The following DOC2A variants were observed in gnomAD, a reference collection of about 807,000 sequenced individuals.
The protein encoded by DOC2A is double C2 domain alpha.
DOC2A carries 28 observed loss-of-function variants against 40.6 expected under a neutral mutation model. The ratio of observed to expected loss-of-function variants is 0.69; its 90% confidence interval spans 0.51 to 0.95. The LOEUF (loss-of-function observed/expected upper bound fraction) is 0.95. Among genes scored for constraint, DOC2A ranks in the 40% least tolerant of loss-of-function variants. DOC2A has a pLI of 0.00. For missense variants in DOC2A, 474 were observed against 552.5 expected (o/e 0.86, Z 1.42); for synonymous variants, 241 against 236.9 (o/e 1.02, Z -0.16).
chr16:30,008,663 C>A, intron 5 of DOC2A: 1 of 323,278 alleles, frequency 3.1e-6, no homozygotes, highest in South Asian at 2.8e-5. Context: ...TGCCACCACG[C>A]CCGGCTAATT....
chr16:30,006,712 T>C lies in DOC2A; in HGVS notation c.879-35A>G. 6.2e-7 allele frequency: 1 copy of C among 1,613,050 alleles called. No homozygotes were observed. The highest frequency in any genetic ancestry group is 8.5e-7 in the Non-Finnish European group (1 of 1,179,754). Reference sequence around the variant, plus strand: ...GGGTGGAGGGAGACGAACTGAGGGGTGAGGGACAGGCCAGGCCCAACTCAG... The same window carrying C: ...GGGTGGAGGGAGACGAACTGAGGGGCGAGGGACAGGCCAGGCCCAACTCAG... On this transcript the variant is annotated intron_variant, in intron 8 of 10. Coordinates refer to ENST00000350119, the MANE Select transcript of DOC2A (RefSeq NM_003586.3). This position sits in a 1 kb window ranked among gnomAD's most constrained non-coding sequence, Gnocchi z 6.2.
intron 1 of DOC2A, among the ~76,000 whole-genome samples, chr16:30,020,895 G>C (rs758402453): frequency 6.6e-6 from 1 of 152,086 alleles, no homozygotes; most frequent in Non-Finnish European, 1.5e-5. Context: ...GGTGGTGCAC[G>C]CCTGTGGTCC....
At chr16:30,016,091 G>A (rs1361951312), upstream of DOC2A, among the ~76,000 whole-genome samples, 7 of 110,174 alleles carry the variant, frequency 6.4e-5, no homozygotes, top group Non-Finnish European at 8.5e-5. Flanking sequence ...ACAGAGTCTC[G>A]CTCTGTTGCC....
upstream of DOC2A, among the ~76,000 whole-genome samples, chr16:30,015,873 TTTTG>T (rs766394701): frequency 1.0e-4 from 14 of 136,246 alleles, no homozygotes; most frequent in African/African-American, 2.2e-4. Flanking sequence ...GCTAATCTGT[TTTTG>T]TTTGTTTGTT....
Position 30,006,104 on chromosome 16 carries a change from T to C in DOC2A, c.*82A>G, listed in dbSNP as rs908876948. The C allele has an allele frequency of 8.2e-6, 12 of 1,472,366 alleles. No homozygotes were observed. Among genetic ancestry groups the C allele is most frequent in the African/African-American group, 5.6e-5 (4 of 71,332 alleles). 91.2% of individuals were successfully genotyped at this position (1,472,366 alleles called of 1,614,324 possible). On this transcript the variant is annotated 3_prime_UTR_variant, in exon 11 of 11. Transcript: ENST00000350119. This position sits in a 1 kb window ranked among gnomAD's most constrained non-coding sequence, Gnocchi z 6.2. ...AGTGCAGGGTGGGGGCAGCCCACCC[T>C]GTGTAAACGTGCAACACACTCGTGC...
upstream of DOC2A, among the ~76,000 whole-genome samples, chr16:30,022,707 G>A (rs919910086): frequency 1.1e-4 from 17 of 151,880 alleles, no homozygotes; most frequent in Non-Finnish European, 1.6e-4. Flanking sequence ...AGGCCGAGGC[G>A]AACAGATCAC....
upstream of DOC2A, among the ~76,000 whole-genome samples, chr16:30,012,961 A>C (rs915010447): frequency 6.6e-6 from 1 of 151,970 alleles, no homozygotes; most frequent in African/African-American, 2.4e-5. Flanking sequence ...ACTGCACTCC[A>C]GCCTGGGCTG....
chr16:30,012,646 G>A (rs1486947154), upstream of DOC2A: 3 of 141,766 alleles, frequency 2.1e-5, no homozygotes, highest in Non-Finnish European at 3.0e-5. Flanking sequence ...CTTGAGTGAA[G>A]CCAGCCTGGG....
rs769541112 is a variant in DOC2A at position 30,009,963 on chromosome 16, G to T, written c.260C>A (p.Ala87Asp). 1 of 1,611,274 alleles carries T rather than the reference G, an allele frequency of 6.2e-7. No homozygotes were observed. The highest frequency in any genetic ancestry group is 8.5e-7 in the Non-Finnish European group (1 of 1,179,734). ...AEVDSYDSDD[A>D]TALGTLEFDL... Reference sequence around the variant, plus strand: ...GGCCTCCAAGCCCCCAGACTCACTGGCATCATCCGAGTCATAGCTGTCCAC... The same window carrying T: ...GGCCTCCAAGCCCCCAGACTCACTGTCATCATCCGAGTCATAGCTGTCCAC... The change falls in exon 2 of 11, where the codon GCC becomes GAC. Residue 87 changes from alanine (A) to aspartate (D), a missense_variant and splice_region_variant. By Grantham distance (126) the Ala-to-Asp change is moderately radical. Coordinates refer to ENST00000350119, the MANE Select transcript of DOC2A (RefSeq NM_003586.3). This position sits in a 1 kb window ranked among gnomAD's most constrained non-coding sequence, Gnocchi z 4.1.
Position 30,009,687 on chromosome 16 carries a change from G to T in DOC2A, c.263-130C>A. On this transcript the variant is annotated intron_variant, in intron 2 of 10. Transcript: ENST00000350119. This position sits in a 1 kb window ranked among gnomAD's most constrained non-coding sequence, Gnocchi z 4.1. The stretch of plus-strand genomic sequence containing the variant: ...CGAGTGTGAGTGCAAGAGGCTGAGT[G>T]GGCCCATGCGTGTGTGCGTCTGGGT... 1.1e-6 allele frequency: 1 copy of T among 942,734 alleles called. No homozygotes were observed. The allele number at this position is 942,734 out of a possible 1,614,324, so 58.4% of individuals were successfully genotyped here.
In DOC2A at chr16:30,005,689, G is replaced by C; in HGVS notation, c.*497C>G. The C allele has an allele frequency of 1.8e-6, 1 of 550,900 alleles. No homozygotes were observed. Among genetic ancestry groups the C allele is most frequent in the Non-Finnish European group, 3.2e-6 (1 of 315,834 alleles). 34.1% of individuals were successfully genotyped at this position (550,900 alleles called of 1,614,324 possible). On this transcript the variant is annotated 3_prime_UTR_variant, in exon 11 of 11. Transcript: ENST00000350119. ...GAGTGGCCGGGAGCATCTGCCACCT[G>C]CTGGGGAGGCAGAGACCCTGCAATG... is the stretch of plus-strand genomic sequence containing the variant.
At chr16:30,020,064 G>A (rs1282929991) in intron 1 of DOC2A, among the ~76,000 whole-genome samples, 12 of 152,006 alleles carry the variant, frequency 7.9e-5, no homozygotes, top group Admixed American at 4.6e-4. Context: ...GCATGCTACC[G>A]CACCCGGCTT....
chr16:30,023,113 A>C, upstream of DOC2A: 1 of 450,874 alleles, frequency 2.2e-6, no homozygotes, highest in Non-Finnish European at 4.1e-6. Context: ...GCCGTGCCGC[A>C]TCCCTCCTCT....
At chr16:30,011,086 C>T (rs1048848305), upstream of DOC2A, 45 of 183,318 alleles carry the variant, frequency 2.5e-4, no homozygotes, top group African/African-American at 1.9e-3. Context: ...CGGCGGGGGA[C>T]GGGGAGGGGC....
intron 1 of DOC2A, among the ~76,000 whole-genome samples, chr16:30,020,672 G>A (rs958540329): frequency 2.0e-5 from 3 of 151,996 alleles, no homozygotes; most frequent in Non-Finnish European, 4.4e-5. Flanking sequence ...ATGAAATTCC[G>A]TCTCTACTTT....
chr16:30,019,986 G>A (rs1178609101), intron 1 of DOC2A, among the ~76,000 whole-genome samples: 7 of 151,886 alleles, frequency 4.6e-5, no homozygotes, highest in Non-Finnish European at 5.9e-5. Context: ...TAGGCTCACC[G>A]CAACCTCTGC....
upstream of DOC2A, among the ~76,000 whole-genome samples, chr16:30,016,055 A>ATATATATATATATTT (rs1163519904): frequency 1.2e-4 from 2 of 16,900 alleles, no homozygotes; most frequent in African/African-American, 2.7e-4. Flanking sequence ...ATATATATAT[A>ATATATATATATATTT]TTTTTTTTTT....
rs146270470 is a variant in DOC2A at position 30,008,049 on chromosome 16, G to A, written c.528-750C>T. 559 of 155,902 alleles carry A rather than the reference G, an allele frequency of 3.6e-3. 8 individuals carry two copies. The highest frequency in any genetic ancestry group is 6.8e-3 in the Middle Eastern group (2 of 296). The allele number at this position is 155,902 out of a possible 1,614,324, so 9.7% of individuals were successfully genotyped here. A position where few individuals can be genotyped will look rare whatever the true frequency, so the allele number is the denominator to read the frequency against. Reference sequence around the variant, plus strand: ...GCCTCCCCTCCATTCCACCCGAATAGCTGAAACCAAGGTGGCCTCTCTGCT... The same window carrying A: ...GCCTCCCCTCCATTCCACCCGAATAACTGAAACCAAGGTGGCCTCTCTGCT... On this transcript the variant is annotated intron_variant, in intron 5 of 10. Transcript: ENST00000350119.
In DOC2A at chr16:30,010,369, GC is replaced by G; in HGVS notation, c.-13-135del. On this transcript the variant is annotated intron_variant, in intron 1 of 10. Transcript: ENST00000350119. This position sits in a 1 kb window ranked among gnomAD's most constrained non-coding sequence, Gnocchi z 4.2. ...GGTGTCGAGGGAGAGGGTGGTGTGT[GC>G]CAGCCGGTGGCAGGTGGGAGGCCTG... is the stretch of plus-strand genomic sequence containing the variant. 7.8e-7 allele frequency: 1 copy of G among 1,274,170 alleles called. No homozygotes were observed. The highest frequency in any genetic ancestry group is 1.1e-6 in the Non-Finnish European group (1 of 898,284). 78.9% of individuals were successfully genotyped at this position (1,274,170 alleles called of 1,614,324 possible). A position where few individuals can be genotyped will look rare whatever the true frequency, so the allele number is the denominator to read the frequency against.
Sources: allele counts gnomAD v4.1 joint callset (sites outside exome capture counted in the v4.1 genomes callset), GRCh38; gene constraint gnomAD v4.1.1; non-coding constraint Gnocchi (gnomAD v3.1); transcripts MANE v1.5; gene names NCBI Gene and HGNC (gene_info 2026-07-23, HGNC 2026-07-21).